Variants in SNX29 observed in about 807,000 individuals in gnomAD.
SNX29 encodes the protein sorting nexin 29.
Under a neutral mutation model 102.1 loss-of-function variants are expected in SNX29, and 78 were observed. The ratio of observed to expected loss-of-function variants is 0.76; its 90% CI spans 0.64 to 0.92. The LOEUF (loss-of-function observed/expected upper bound fraction) is 0.92. Among genes scored for constraint, SNX29 ranks in the 40% least tolerant of loss-of-function variants. The pLI, the probability that SNX29 is intolerant of heterozygous loss-of-function variation, is 0.00. For synonymous variants in SNX29, 580 were observed against 414.5 expected (o/e 1.40, Z -4.85); for missense variants, 1,280 against 1,061.7 (o/e 1.21, Z -2.86).
rs1378126505 is a variant in SNX29 at position 12,572,442 on chromosome 16, G to GT, written c.*3815dup. ...AGGCCGGCAGTGGCTGCCTCTCTTG[G>GT]TTCTGCATGGTACATTTTGCCAACC... is the stretch of plus-strand genomic sequence containing the variant. On this transcript the variant is annotated 3_prime_UTR_variant, in exon 21 of 21. Transcript: ENST00000566228. 9 of 1,063,156 alleles carry GT rather than the reference G, an allele frequency of 8.5e-6. No homozygotes were observed. The highest frequency in any genetic ancestry group is 1.0e-5 in the Non-Finnish European group (9 of 877,928). 65.9% of individuals were successfully genotyped at this position (1,063,156 alleles called of 1,614,324 possible). A position where few individuals can be genotyped will look rare whatever the true frequency, so the allele number is the denominator to read the frequency against.
intron 4 of SNX29, among the ~76,000 whole-genome samples, chr16:12,030,654 G>T (rs1406503693): frequency 4.6e-5 from 7 of 152,090 alleles, no homozygotes; most frequent in Non-Finnish European, 1.5e-5. Context: ...ATCATGGAGT[G>T]GTCTTCTTTA....
At chr16:12,026,146 G>C (rs936812326) in intron 3 of SNX29, among the ~76,000 whole-genome samples, 1 of 152,178 alleles carries the variant, frequency 6.6e-6, no homozygotes, top group African/African-American at 2.4e-5. Flanking sequence ...TGGCCTCAAG[G>C]CCTTTGCACT....
At chr16:12,502,304 C>T (rs528820654) in intron 19 of SNX29, among the ~76,000 whole-genome samples, 14 of 152,234 alleles carry the variant, frequency 9.2e-5, no homozygotes, top group Admixed American at 4.6e-4. Context: ...CATGTCACCT[C>T]GCTGTGCCTC....
chr16:12,499,967 G>C (rs1265576334), intron 19 of SNX29, among the ~76,000 whole-genome samples: 2 of 151,526 alleles, frequency 1.3e-5, no homozygotes, highest in African/African-American at 4.9e-5. Flanking sequence ...ATGAGCCATG[G>C]TGCCCAGCCT....
chr16:12,319,321 G>C (rs1174882398), intron 15 of SNX29, among the ~76,000 whole-genome samples: 8 of 152,128 alleles, frequency 5.3e-5, no homozygotes, highest in Non-Finnish European at 1.5e-5. Context: ...AAGCAACATA[G>C]ACCGTCTCTA....
intron 1 of SNX29, among the ~76,000 whole-genome samples, chr16:11,981,308 C>T (rs978032969): frequency 2.6e-5 from 4 of 151,708 alleles, no homozygotes; most frequent in African/African-American, 9.7e-5. Flanking sequence ...TTTTACCATG[C>T]TGGCCAGCTG....
chr16:12,191,013 T>C (rs1465303596), intron 13 of SNX29, among the ~76,000 whole-genome samples: 2 of 150,748 alleles, frequency 1.3e-5, no homozygotes, highest in African/African-American at 2.4e-5. Flanking sequence ...CCCAACTTTT[T>C]TGGCACCAGG....
chr16:12,289,250 G>A (rs138115566), intron 15 of SNX29, among the ~76,000 whole-genome samples: 92 of 152,260 alleles, frequency 6.0e-4, no homozygotes, highest in African/African-American at 2.2e-3. Flanking sequence ...ATCCGCCCAT[G>A]CAGCAGGAGG....
chr16:12,157,570 C>G (rs567439606), intron 13 of SNX29, among the ~76,000 whole-genome samples: 2 of 152,244 alleles, frequency 1.3e-5, no homozygotes, highest in East Asian at 3.9e-4. Context: ...GGTCTTATGC[C>G]TTTACATTGA....
chr16:12,206,825 T>TTTTTC (rs2077056747), intron 14 of SNX29, among the ~76,000 whole-genome samples: 1 of 150,802 alleles, frequency 6.6e-6, no homozygotes, highest in Non-Finnish European at 1.5e-5. Flanking sequence ...TTTTTTTTTT[T>TTTTTC]TTTTTTTTTA....
chr16:12,555,761 C>G (rs192076505), intron 20 of SNX29, among the ~76,000 whole-genome samples: 1 of 151,874 alleles, frequency 6.6e-6, no homozygotes, highest in Non-Finnish European at 1.5e-5. Context: ...TCCAACTAGC[C>G]TTCAGGCTGC....
intron 19 of SNX29, among the ~76,000 whole-genome samples, chr16:12,520,713 C>T (rs1042669033): frequency 2.0e-5 from 3 of 152,154 alleles, no homozygotes; most frequent in Admixed American, 1.3e-4. Flanking sequence ...AACCGAATCC[C>T]GTGTGTTCTC....
chr16:12,426,158 G>C (rs957301589), intron 18 of SNX29, among the ~76,000 whole-genome samples: 3 of 151,570 alleles, frequency 2.0e-5, no homozygotes, highest in African/African-American at 7.3e-5. Context: ...AAGTTATACT[G>C]TTGTGACAAA....
intron 3 of SNX29, among the ~76,000 whole-genome samples, chr16:12,021,496 C>G (rs1377603582): frequency 6.6e-6 from 1 of 152,056 alleles, no homozygotes; most frequent in Non-Finnish European, 1.5e-5. Flanking sequence ...AAAAATGCAG[C>G]ATTCATGGCT....
intron 3 of SNX29, among the ~76,000 whole-genome samples, chr16:12,025,819 T>G (rs8050827): frequency 0.55 from 84,196 of 152,014 alleles, 24,139 homozygotes; most frequent in Non-Finnish European, 0.61. Context: ...AAGGATGTTT[T>G]TCGTGATGAT....
chr16:12,017,970 A>C (rs2056900126), intron 3 of SNX29, among the ~76,000 whole-genome samples: 1 of 152,006 alleles, frequency 6.6e-6, no homozygotes, highest in African/African-American at 2.4e-5. Flanking sequence ...CAATGGCGCG[A>C]TCTTGGCTCA....
intron 14 of SNX29, among the ~76,000 whole-genome samples, chr16:12,252,693 C>A (rs1244099431): frequency 6.6e-6 from 1 of 152,220 alleles, no homozygotes; most frequent in African/African-American, 2.4e-5. Context: ...CCTGGCAGCC[C>A]CGTTGCGGTG....
intron 19 of SNX29, among the ~76,000 whole-genome samples, chr16:12,522,034 T>G (rs4781244): frequency 0.56 from 85,251 of 151,706 alleles, 25,668 homozygotes; most frequent in East Asian, 0.98. Context: ...GAAGAAGACT[T>G]TGTTGTGACT....
At chr16:12,476,761 T>C (rs2087673449) in intron 18 of SNX29, among the ~76,000 whole-genome samples, 1 of 152,106 alleles carries the variant, frequency 6.6e-6, no homozygotes, top group South Asian at 2.1e-4. Context: ...TGAGACATTC[T>C]ATGGTCGCCA....
Sources: gnomAD v4.1 joint callset for allele counts (sites outside exome capture counted in the v4.1 genomes callset) on GRCh38, gnomAD v4.1.1 for gene constraint, MANE v1.5 for transcripts, NCBI Gene and HGNC (gene_info 2026-07-23, HGNC 2026-07-21) for gene names.